PTAR1: variants seen among roughly 807,000 people sequenced by gnomAD.
The protein encoded by PTAR1 is protein prenyltransferase alpha subunit repeat containing 1.
A neutral mutation model predicts 45.5 loss-of-function variants in PTAR1; 17 were observed. That is an observed-to-expected ratio of 0.37 (90% confidence interval 0.26 to 0.56). The LOEUF is 0.56. PTAR1 is among the 20% of genes least tolerant of loss of function. The pLI is 0.77. For synonymous variants in PTAR1, 169 were observed against 171.3 expected (o/e 0.99, Z 0.11); for missense variants, 391 against 476.3 (o/e 0.82, Z 1.67).
At chr9:69,730,073 T>G (rs1360087954) in intron 5 of PTAR1, among the ~76,000 whole-genome samples, 1 of 152,158 alleles carries the variant, frequency 6.6e-6, no homozygotes, top group Non-Finnish European at 1.5e-5. Flanking sequence ...CAAAGCATAG[T>G]AGTAAATGTT....
At chr9:69,759,785 G>A in intron 1 of PTAR1, 68 bp downstream of exon 1, 1 of 1,415,100 alleles carries the variant, frequency 7.1e-7, no homozygotes, top group Non-Finnish European at 9.3e-7. Flanking sequence ...CCGAGGTCGG[G>A]TGGACGCTTG....
intron 1 of PTAR1, among the ~76,000 whole-genome samples, chr9:69,754,403 C>T (rs1826667835): frequency 2.0e-5 from 3 of 151,788 alleles, no homozygotes; most frequent in Admixed American, 1.3e-4. Flanking sequence ...TTCTATTTTT[C>T]TGGAAATTTA....
Sources: allele counts gnomAD v4.1 joint callset (sites outside exome capture counted in the v4.1 genomes callset), GRCh38; gene constraint gnomAD v4.1.1; transcripts MANE v1.5; gene names NCBI Gene and HGNC (gene_info 2026-07-23, HGNC 2026-07-21).